The following FAR2 variants were observed in gnomAD, a reference collection of about 807,000 sequenced individuals.
The protein encoded by FAR2 is fatty acyl-CoA reductase 2.
FAR2 carries 19 observed loss-of-function variants against 56.0 expected under a neutral mutation model. The ratio of observed to expected loss-of-function variants is 0.34; its 90% CI spans 0.24 to 0.50. The LOEUF is 0.50. FAR2 is among the 20% of genes least tolerant of loss of function. FAR2 has a pLI of 0.98. For missense variants in FAR2, 508 were observed against 642.2 expected, an observed-to-expected ratio of 0.79 and a Z score of 2.26; for synonymous variants, 219 against 218.8, an observed-to-expected ratio of 1.00 and a Z score of -0.01.
intron 2 of FAR2, among the ~76,000 whole-genome samples, chr12:29,281,945 C>T (rs1456114223): frequency 6.6e-6 from 1 of 152,022 alleles, no homozygotes; most frequent in African/African-American, 2.4e-5. Context: ...GCAGTGTTTG[C>T]CAAATCTAAA....
chr12:29,257,992 C>A (rs1948354671), intron 1 of FAR2, among the ~76,000 whole-genome samples: 1 of 152,038 alleles, frequency 6.6e-6, no homozygotes, highest in Admixed American at 6.6e-5. Context: ...TTAATCCTAC[C>A]ACAGTGTTAT....
chr12:29,316,194 A>T (rs1448918806), intron 8 of FAR2, among the ~76,000 whole-genome samples: 2 of 152,218 alleles, frequency 1.3e-5, no homozygotes. Context: ...ATTCAAATGA[A>T]TATCTTTTGG....
intron 1 of FAR2, among the ~76,000 whole-genome samples, chr12:29,248,932 A>ATT (rs1948168853): frequency 6.6e-6 from 1 of 152,254 alleles, no homozygotes; most frequent in Non-Finnish European, 1.5e-5. Flanking sequence ...GTTTAAGGGT[A>ATT]TCTCTGCTAT....
intron 1 of FAR2, among the ~76,000 whole-genome samples, chr12:29,208,802 G>C (rs1057391347): frequency 6.6e-6 from 1 of 152,192 alleles, no homozygotes; most frequent in Non-Finnish European, 1.5e-5. Flanking sequence ...GTGTGCACTG[G>C]AGTGTTTATC....
intron 1 of FAR2, among the ~76,000 whole-genome samples, chr12:29,254,725 G>C (rs1948287914): frequency 6.6e-6 from 1 of 152,132 alleles, no homozygotes. Flanking sequence ...GCCGAGGCAG[G>C]CAGATCACTT....
chr12:29,208,947 C>T (rs1339690608), intron 1 of FAR2, among the ~76,000 whole-genome samples: 1 of 152,016 alleles, frequency 6.6e-6, no homozygotes, highest in Admixed American at 6.6e-5. Context: ...TGTGAGGAAA[C>T]CAACCTGCTT....
At chr12:29,179,965 G>A (rs1475050868) in intron 1 of FAR2, among the ~76,000 whole-genome samples, 1 of 152,228 alleles carries the variant, frequency 6.6e-6, no homozygotes, top group Non-Finnish European at 1.5e-5. Context: ...TAGCTGGGCT[G>A]AGGAGTATGG....
chr12:29,317,211 C>A (rs533451582), intron 9 of FAR2, among the ~76,000 whole-genome samples, 199 bp downstream of exon 9: 1 of 152,266 alleles, frequency 6.6e-6, no homozygotes, highest in African/African-American at 2.4e-5. Flanking sequence ...TGACATGATG[C>A]CACAAGTGGA....
intron 1 of FAR2, among the ~76,000 whole-genome samples, chr12:29,175,223 G>A (rs1949925774): frequency 1.3e-5 from 2 of 152,244 alleles, no homozygotes; most frequent in Admixed American, 1.3e-4. Context: ...ACCAAAGTGT[G>A]TCCAGAATTG....
At position 29,232,821 on chromosome 12, in the gene FAR2, G is replaced by GCGCACACACACACA. The variant is rs71444325; in HGVS notation, c.-38-37590_-38-37589insGCACACACACACAC. On this transcript the variant is annotated intron_variant, in intron 1 of 11. Coordinates refer to ENST00000536681, the MANE Select transcript of FAR2 (RefSeq NM_001271783.2). ...CACACACACACACATACGCGCTCGC[G>GCGCACACACACACA]CACACACACACACACACACACACAC... is the stretch of plus-strand genomic sequence containing the variant. Among the ~76,000 whole-genome samples, 646 of 145,936 alleles carry GCGCACACACACACA rather than the reference G, an allele frequency of 4.4e-3. 4 individuals are homozygous for GCGCACACACACACA. The highest frequency in any genetic ancestry group is 0.015 in the African/African-American group (601 of 40,090).
At chr12:29,227,959 C>T (rs1295951272) in intron 1 of FAR2, among the ~76,000 whole-genome samples, 1 of 151,492 alleles carries the variant, frequency 6.6e-6, no homozygotes, top group African/African-American at 2.4e-5. Flanking sequence ...GGAAGGGGAA[C>T]ATCACACACT....
At chr12:29,330,332 C>G (rs939600135) in intron 10 of FAR2, among the ~76,000 whole-genome samples, 1 of 152,174 alleles carries the variant, frequency 6.6e-6, no homozygotes, top group Non-Finnish European at 1.5e-5. Context: ...GTTGAGATTA[C>G]AGGCATGAGC....
intron 1 of FAR2, among the ~76,000 whole-genome samples, chr12:29,190,564 G>C (rs1317934717): frequency 6.6e-6 from 1 of 152,076 alleles, no homozygotes; most frequent in African/African-American, 2.4e-5. Context: ...TCCCGGGTTA[G>C]AGGGATTCTC....
Position 29,206,047 on chromosome 12 carries a change from A to G in FAR2, c.-39+56640A>G, listed in dbSNP as rs73267609. Among the ~76,000 whole-genome samples, 345 of 152,242 alleles carry G rather than the reference A, an allele frequency of 2.3e-3. 2 individuals are homozygous for G. Among genetic ancestry groups the G allele is most frequent in the African/African-American group, 7.9e-3 (327 of 41,532 alleles). Reference sequence around the variant, plus strand: ...GTTTCCCTTTCATTTACTCTCAGATACTCACTAGTCATTGCTGGGAAGCAT... The same window carrying G: ...GTTTCCCTTTCATTTACTCTCAGATGCTCACTAGTCATTGCTGGGAAGCAT... On this transcript the variant is annotated intron_variant, in intron 1 of 11. Coordinates refer to ENST00000536681, the MANE Select transcript of FAR2 (RefSeq NM_001271783.2).
chr12:29,217,592 G>A lies in FAR2; in HGVS notation c.-38-52820G>A, dbSNP rs1947638011. On this transcript the variant is annotated intron_variant, in intron 1 of 11. Transcript: ENST00000536681. ...ATCCTAAAGATATTCAAAATCAGAT[G>A]TGAGCTGGAACTTACCAAAATTTAA... 2.0e-5 allele frequency among the ~76,000 whole-genome samples: 3 copies of A among 152,186 alleles called. No homozygotes were observed. The South Asian group carries it at 6.2e-4, about 31-fold the overall frequency.
intron 4 of FAR2, among the ~76,000 whole-genome samples, chr12:29,304,458 T>C (rs948459747): frequency 5.9e-5 from 9 of 152,250 alleles, no homozygotes; most frequent in East Asian, 5.8e-4. Flanking sequence ...GAGAATGACA[T>C]AATCTACCCT....
chr12:29,304,109 G>T (rs908694443), intron 4 of FAR2, among the ~76,000 whole-genome samples: 1 of 152,142 alleles, frequency 6.6e-6, no homozygotes, highest in African/African-American at 2.4e-5. Flanking sequence ...CATTGCCACT[G>T]GACACTTTAC....
chr12:29,333,064 A>T (rs1371384254), intron 11 of FAR2: 2 of 366,194 alleles, frequency 5.5e-6, no homozygotes, highest in Non-Finnish European at 1.1e-5. Context: ...TGGGATATAA[A>T]TACCCAACAG....
At chr12:29,192,045 G>A (rs1313027310) in intron 1 of FAR2, among the ~76,000 whole-genome samples, 1 of 152,170 alleles carries the variant, frequency 6.6e-6, no homozygotes, top group Non-Finnish European at 1.5e-5. Context: ...TTTGGCTAGG[G>A]CCTCTAAACA....
Sources: gnomAD v4.1 joint callset for allele counts (sites outside exome capture counted in the v4.1 genomes callset) on GRCh38, gnomAD v4.1.1 for gene constraint, MANE v1.5 for transcripts, NCBI Gene and HGNC (gene_info 2026-07-23, HGNC 2026-07-21) for gene names.